SEMA3D: variants seen among roughly 807,000 people sequenced by gnomAD.
SEMA3D encodes the protein semaphorin 3D.
SEMA3D carries 84 observed loss-of-function variants against 100.1 expected under a neutral mutation model. That is an observed-to-expected ratio of 0.84 (90% CI 0.70 to 1.01). The LOEUF is 1.01. Ranked by LOEUF, SEMA3D falls within the 50% of genes least tolerant of loss-of-function variation. The pLI is 0.00. For synonymous variants in SEMA3D, 312 were observed against 320.7 expected, an observed-to-expected ratio of 0.97 and a Z score of 0.29; for missense variants, 875 against 934.1, an observed-to-expected ratio of 0.94 and a Z score of 0.82.
intron 11 of SEMA3D, among the ~76,000 whole-genome samples, chr7:85,040,397 G>C (rs1268581584): frequency 1.3e-5 from 2 of 152,034 alleles, no homozygotes; most frequent in Non-Finnish European, 2.9e-5. Flanking sequence ...GCAACAGTAG[G>C]CATTTGGAAA....
intron 13 of SEMA3D, among the ~76,000 whole-genome samples, chr7:85,021,569 T>A (rs1444052119): frequency 6.6e-6 from 1 of 151,798 alleles, no homozygotes; most frequent in Non-Finnish European, 1.5e-5. Flanking sequence ...ATCCATAATT[T>A]TTAAAAATAA....
intron 17 of SEMA3D, among the ~76,000 whole-genome samples, chr7:85,008,038 A>C (rs1789847847): frequency 6.6e-6 from 1 of 151,844 alleles, no homozygotes; most frequent in African/African-American, 2.4e-5. Context: ...TAAAACCTGT[A>C]GTCTATCAAC....
chr7:85,161,678 T>A (rs1025950681), intron 1 of SEMA3D, among the ~76,000 whole-genome samples: 27 of 152,216 alleles, frequency 1.8e-4, no homozygotes, highest in African/African-American at 6.5e-4. Flanking sequence ...CTTAACCATA[T>A]GTTGCATGTA....
the SEMA3D span, among the ~76,000 whole-genome samples, chr7:85,218,764 A>C: frequency 2.6e-5 from 4 of 152,184 alleles, no homozygotes; most frequent in Admixed American, 6.6e-5. Flanking sequence ...CCAATGTCTT[A>C]GAATTTTATT....
chr7:85,195,974 G>C, the SEMA3D span, among the ~76,000 whole-genome samples: 1 of 152,074 alleles, frequency 6.6e-6, no homozygotes, highest in African/African-American at 2.4e-5. Flanking sequence ...GATGAGTCCT[G>C]AGGTAATCAG....
intron 5 of SEMA3D, among the ~76,000 whole-genome samples, chr7:85,080,290 C>T (rs1400353159): frequency 6.6e-6 from 1 of 152,074 alleles, no homozygotes; most frequent in African/African-American, 2.4e-5. Flanking sequence ...TTTAGGATCT[C>T]TAAAAATATT....
In SEMA3D at chr7:85,150,529, A is replaced by T. The variant is rs554128748; in HGVS notation, c.-41+3079T>A. 5.1e-3 allele frequency among the ~76,000 whole-genome samples: 751 copies of T among 147,168 alleles called. 9 individuals are homozygous for T. The highest frequency in any genetic ancestry group is 0.018 in the African/African-American group (713 of 40,470). The stretch of plus-strand genomic sequence containing the variant: ...ATATATTTACAGGGATATATATATT[A>T]TATATATAGAATATATATATATTCT... On this transcript the variant is annotated intron_variant, in intron 2 of 18. Coordinates refer to ENST00000284136, the MANE Select transcript of SEMA3D (RefSeq NM_001384900.1).
In SEMA3D at chr7:85,000,088, T is replaced by A. The variant is rs1789615777; in HGVS notation, c.1909-223A>T. ...ATATCCTTAATTTTTCACATTTGAA[T>A]CTTAGTAAGTCTAACTGAACCTTTG... is the stretch of plus-strand genomic sequence containing the variant. On this transcript the variant is annotated intron_variant, in intron 18 of 18. Coordinates refer to ENST00000284136, the MANE Select transcript of SEMA3D (RefSeq NM_001384900.1). 2.0e-5 allele frequency among the ~76,000 whole-genome samples: 3 copies of A among 152,158 alleles called. No individual in the cohort carries two copies. The South Asian group carries it at 6.2e-4, about 32-fold the overall frequency.
chr7:85,125,395 G>GT (rs1789538683), intron 2 of SEMA3D, among the ~76,000 whole-genome samples: 1 of 151,912 alleles, frequency 6.6e-6, no homozygotes, highest in Non-Finnish European at 1.5e-5. Context: ...CTCTAACATC[G>GT]TAAGTTAAGA....
chr7:85,166,700 GGACCT>G (rs1468753380), intron 1 of SEMA3D, among the ~76,000 whole-genome samples: 2 of 151,970 alleles, frequency 1.3e-5, no homozygotes, highest in African/African-American at 4.8e-5. Flanking sequence ...TAGGTTCACA[GGACCT>G]TCTCTGTATT....
intron 2 of SEMA3D, among the ~76,000 whole-genome samples, chr7:85,129,078 G>A (rs1448532192): frequency 1.3e-5 from 2 of 151,398 alleles, no homozygotes; most frequent in Admixed American, 6.6e-5. Flanking sequence ...TAGAGATAGG[G>A]TCTCACTATT....
At chr7:85,012,733 G>A (rs374502534) in intron 17 of SEMA3D, 49 bp downstream of exon 17, 1 of 1,345,222 alleles carries the variant, frequency 7.4e-7, no homozygotes, top group African/African-American at 1.4e-5. Context: ...TACAAAGAGT[G>A]GGCTTAGCAT....
chr7:85,058,793 T>A (rs867048475), intron 8 of SEMA3D, among the ~76,000 whole-genome samples: 1 of 150,344 alleles, frequency 6.7e-6, no homozygotes, highest in African/African-American at 2.4e-5. Flanking sequence ...ATCAAATTGT[T>A]CTATAAATGT....
the SEMA3D span, among the ~76,000 whole-genome samples, chr7:85,226,681 G>T: frequency 6.6e-6 from 1 of 151,282 alleles, no homozygotes; most frequent in South Asian, 2.1e-4. Flanking sequence ...GTAAGATGAG[G>T]ATTTTTTTTT....
At position 85,042,154 on chromosome 7, in the gene SEMA3D, G is replaced by C; in HGVS notation, c.976+17C>G. 6.5e-7 allele frequency: 1 copy of C among 1,538,728 alleles called. No individual in the cohort carries two copies. Among genetic ancestry groups the C allele is most frequent in the Non-Finnish European group, 9.0e-7 (1 of 1,112,428 alleles). On this transcript the variant is annotated intron_variant, in intron 10 of 18. Coordinates refer to ENST00000284136, the MANE Select transcript of SEMA3D (RefSeq NM_001384900.1). ...GCAGTAAGGCCTTTCCAAGAAAGAA[G>C]GAAAGAAGGAACTTACGAAGCTCAT...
chr7:85,234,504 C>T, the SEMA3D span, among the ~76,000 whole-genome samples: 4 of 152,292 alleles, frequency 2.6e-5, no homozygotes, highest in African/African-American at 9.6e-5. Flanking sequence ...GACCACTGTA[C>T]TGGAGTTGCT....
chr7:85,181,133 C>T (rs946481165), intron 1 of SEMA3D, among the ~76,000 whole-genome samples: 15 of 152,214 alleles, frequency 9.9e-5, no homozygotes, highest in Admixed American at 2.6e-4. Flanking sequence ...GATTACCTGG[C>T]TAAGATCGTG....
At chr7:85,050,793 A>G in intron 9 of SEMA3D, 2 of 478,636 alleles carry the variant, frequency 4.2e-6, no homozygotes, top group Non-Finnish European at 3.7e-6. Flanking sequence ...AGCCTTTAAA[A>G]CTAATAAAAT....
At chr7:85,097,991 A>AGGTCAGTATATTTATATAT in intron 3 of SEMA3D, 26 bp from the exon 4 acceptor site, 3 of 1,315,692 alleles carry the variant, frequency 2.3e-6, no homozygotes, top group Non-Finnish European at 3.1e-6. Context: ...AAAGAAAAGA[A>AGGTCAGTATATTTATATAT]AGGAGAAAGA....
Sources: allele counts gnomAD v4.1 joint callset (sites outside exome capture counted in the v4.1 genomes callset), GRCh38; gene constraint gnomAD v4.1.1; transcripts MANE v1.5; gene names NCBI Gene and HGNC (gene_info 2026-07-23, HGNC 2026-07-21).